NIPAL2: variants seen among roughly 807,000 people sequenced by gnomAD.
NIPAL2 encodes the protein NIPA-like protein 2.
In NIPAL2, 43 loss-of-function variants were observed where a neutral mutation model predicts 48.9. The ratio of observed to expected loss-of-function variants is 0.88; its 90% confidence interval spans 0.69 to 1.13. NIPAL2 has a LOEUF of 1.13. Among genes scored for constraint, NIPAL2 ranks in the 50% most tolerant of loss-of-function variants. The probability of loss-of-function intolerance (pLI) is 0.00; values close to 1 mark genes in which losing one functional copy is unlikely to be tolerated. For synonymous variants in NIPAL2, 167 were observed against 174.6 expected (o/e 0.96, Z 0.34); for missense variants, 446 against 461.4 (o/e 0.97, Z 0.31).
chr8:98,291,716 CT>C (rs1816497483), intron 1 of NIPAL2, among the ~76,000 whole-genome samples: 2 of 152,176 alleles, frequency 1.3e-5, no homozygotes. Flanking sequence ...TTTTGTTTAC[CT>C]GTCACAACTC....
At chr8:98,203,066 T>C (rs768081706) in intron 8 of NIPAL2, 42 bp downstream of exon 8, 2 of 1,444,342 alleles carry the variant, frequency 1.4e-6, no homozygotes, top group Non-Finnish European at 1.9e-6. Context: ...AGAAACTTCA[T>C]TTATGCTTGG....
chr8:98,294,117 C>A lies in NIPAL2; in HGVS notation c.21G>T (p.Ala7=). 1 of 1,470,850 alleles carries A rather than the reference C, an allele frequency of 6.8e-7. No individual in the cohort carries two copies. The highest frequency in any genetic ancestry group is 1.3e-5 in the South Asian group (1 of 75,616). The allele number at this position is 1,470,850 out of a possible 1,614,324, so 91.1% of individuals were successfully genotyped here. A position where few individuals can be genotyped will look rare whatever the true frequency, so the allele number is the denominator to read the frequency against. ...CGGCCGAGGCGGAGTCCCCGGGGCC[C>A]GCGGGCGCCACCGCTGCCATGAGGT... is the stretch of plus-strand genomic sequence containing the variant. MAAVAP[A]GPGDSASAAL... The change falls in exon 1 of 11, where the codon GCG becomes GCT. Residue 7 remains alanine (A), a synonymous_variant. Transcript: ENST00000430223.
At chr8:98,211,147 T>C (rs1288465716) in intron 6 of NIPAL2, among the ~76,000 whole-genome samples, 1 of 152,246 alleles carries the variant, frequency 6.6e-6, no homozygotes, top group Non-Finnish European at 1.5e-5. Flanking sequence ...AAAATCAATC[T>C]GGAAGTTTCC....
At chr8:98,230,345 A>G (rs1812381827) in intron 4 of NIPAL2, among the ~76,000 whole-genome samples, 1 of 152,180 alleles carries the variant, frequency 6.6e-6, no homozygotes. Flanking sequence ...TTCCTTTAGA[A>G]GAGCACTCTC....
intron 4 of NIPAL2, chr8:98,231,851 A>C (rs996346562): frequency 1.3e-5 from 2 of 152,114 alleles, no homozygotes; most frequent in African/African-American, 4.8e-5. Flanking sequence ...ACAAACTTTC[A>C]TTTGCTTGAA....
At chr8:98,239,121 T>C (rs1423815488) in intron 3 of NIPAL2, among the ~76,000 whole-genome samples, 2 of 152,162 alleles carry the variant, frequency 1.3e-5, no homozygotes, top group African/African-American at 4.8e-5. Context: ...CTACAAAGGA[T>C]TATAGTAAGA....
chr8:98,193,040 C>T lies in NIPAL2; in HGVS notation c.1090G>A (p.Gly364Arg). Residue 364 changes from glycine (G) to arginine (R), a missense_variant, in exon 11 of 11, where the codon GGA (glycine) becomes AGA (arginine). Transcript: ENST00000430223. ...GAGTCACTTCCATCAGGCAAAGTTC[C>T]ATAGGATAAGCTATGTGAATCTGGT... The part of the protein sequence containing the change: ...IQPDSHSLSY[G>R]TLPDGSDSTK... 1 of 1,614,006 alleles carries T rather than the reference C, an allele frequency of 6.2e-7. No homozygotes were observed. The highest frequency in any genetic ancestry group is 2.2e-5 in the East Asian group (1 of 44,900).
intron 6 of NIPAL2, among the ~76,000 whole-genome samples, chr8:98,206,186 TA>T (rs547698280): frequency 2.6e-5 from 4 of 152,070 alleles, no homozygotes; most frequent in Non-Finnish European, 4.4e-5. Flanking sequence ...TTACATGAAA[TA>T]AAAAAACTAT....
rs151251344 is a variant in NIPAL2 at position 98,288,765 on chromosome 8, A to G, written c.135+5238T>C. On this transcript the variant is annotated intron_variant, in intron 1 of 10. Coordinates refer to ENST00000430223, the MANE Select transcript of NIPAL2 (RefSeq NM_001321635.2). ...GTGTGAGATGGTATCTCATTGTGGT[A>G]TTACATAGACAACTGTGAAGATAAT... 2.4e-3 allele frequency among the ~76,000 whole-genome samples: 368 copies of G among 152,300 alleles called. 1 individual carries two copies. Among genetic ancestry groups the G allele is most frequent in the African/African-American group, 8.4e-3 (349 of 41,566 alleles).
At position 98,194,869 on chromosome 8, in the gene NIPAL2, T is replaced by C. The variant is rs185730364; in HGVS notation, c.945-47A>G. On this transcript the variant is annotated intron_variant, in intron 9 of 10. Coordinates refer to ENST00000430223, the MANE Select transcript of NIPAL2 (RefSeq NM_001321635.2). ...AGAATACAAGAACACTGAAACAGAC[T>C]CATGGTATTAAATAACTGAGCTCCA... 3.1e-5 allele frequency: 35 copies of C among 1,136,782 alleles called. No individual in the cohort carries two copies. The East Asian group carries it at 8.9e-4, about 29-fold the overall frequency. The allele number at this position is 1,136,782 out of a possible 1,614,324, so 70.4% of individuals were successfully genotyped here.
chr8:98,276,124 A>G (rs2130888769), intron 1 of NIPAL2, among the ~76,000 whole-genome samples: 1 of 152,302 alleles, frequency 6.6e-6, no homozygotes, highest in South Asian at 2.1e-4. Context: ...AGTTTACATT[A>G]GGGTTCACTG....
chr8:98,253,264 C>T (rs185498055), intron 2 of NIPAL2, among the ~76,000 whole-genome samples: 2 of 152,128 alleles, frequency 1.3e-5, no homozygotes, highest in Non-Finnish European at 2.9e-5. Context: ...TATTAGCTCT[C>T]GTTTCAGACA....
chr8:98,281,070 T>G (rs1230857978), intron 1 of NIPAL2, among the ~76,000 whole-genome samples: 4 of 151,596 alleles, frequency 2.6e-5, no homozygotes, highest in Non-Finnish European at 4.4e-5. Context: ...ATAAAACCAT[T>G]GCGCAACTGA....
At chr8:98,226,917 G>C (rs1011174058) in intron 4 of NIPAL2, among the ~76,000 whole-genome samples, 2 of 152,170 alleles carry the variant, frequency 1.3e-5, no homozygotes, top group African/African-American at 4.8e-5. Flanking sequence ...CCTGGAGTCA[G>C]AAACCTTAGA....
rs1813741403 is a variant in NIPAL2 at position 98,254,037 on chromosome 8, A to C, written c.186T>G (p.Ser62Arg). The C allele has an allele frequency of 6.2e-7, 1 of 1,610,318 alleles. No individual in the cohort carries two copies. The highest frequency in any genetic ancestry group is 8.5e-7 in the Non-Finnish European group (1 of 1,177,478). Residue 62 changes from serine (S) to arginine (R), a missense_variant, in exon 2 of 11, where the codon AGT (serine) becomes AGG (arginine). Coordinates refer to ENST00000430223, the MANE Select transcript of NIPAL2 (RefSeq NM_001321635.2). ...TTCTTACCTGAATATTTAGAGAAATACTGATCACCAAGTTTCCTAAAATAG... is the reference window on the plus strand; with the variant it reads ...TTCTTACCTGAATATTTAGAGAAATCCTGATCACCAAGTTTCCTAAAATAG... ...LLAILGNLVI[S>R]ISLNIQKYSH...
rs1363347178 is a variant in NIPAL2 at position 98,194,676 on chromosome 8, CTATT to C, written c.1039+48_1039+51del. 3.1e-6 allele frequency: 3 copies of C among 953,658 alleles called. No homozygotes were observed. The African/African-American group carries it at 5.1e-5, about 16-fold the overall frequency. The allele number at this position is 953,658 out of a possible 1,614,324, so 59.1% of individuals were successfully genotyped here. On this transcript the variant is annotated intron_variant, in intron 10 of 10. Coordinates refer to ENST00000430223, the MANE Select transcript of NIPAL2 (RefSeq NM_001321635.2). ...TTACCACCCAAAATAATACCAATAACTATTCATTTATAAGGATCAAATTTTCCAC... is the reference window on the plus strand; with the variant it reads ...TTACCACCCAAAATAATACCAATAACCATTTATAAGGATCAAATTTTCCAC...
At chr8:98,217,945 C>A (rs11990298) in intron 5 of NIPAL2, among the ~76,000 whole-genome samples, 1 of 152,038 alleles carries the variant, frequency 6.6e-6, no homozygotes, top group East Asian at 1.9e-4. Context: ...TTAATGGATA[C>A]GTGAATAAAT....
chr8:98,284,772 G>A (rs1293065931), intron 1 of NIPAL2, among the ~76,000 whole-genome samples: 1 of 152,088 alleles, frequency 6.6e-6, no homozygotes, highest in African/African-American at 2.4e-5. Flanking sequence ...ATGCTAACAT[G>A]ACCCCTAGGA....
Position 98,249,315 on chromosome 8 carries a change from C to T in NIPAL2, c.376+3148G>A, listed in dbSNP as rs1047270409. ...GACAAATGCTGCCTGAAGCTGAGCA[C>T]GTCAGTGAGGAACAGCAGGACACAC... On this transcript the variant is annotated intron_variant, in intron 3 of 10. Transcript: ENST00000430223. 8.9e-4 allele frequency among the ~76,000 whole-genome samples: 135 copies of T among 151,880 alleles called. 1 individual carries two copies. The highest frequency in any genetic ancestry group is 3.9e-4 in the East Asian group (2 of 5,194).
Sources: allele counts gnomAD v4.1 joint callset (sites outside exome capture counted in the v4.1 genomes callset), GRCh38; gene constraint gnomAD v4.1.1; transcripts MANE v1.5; gene names NCBI Gene and HGNC (gene_info 2026-07-23, HGNC 2026-07-21).